The following IL31RA variants were observed in gnomAD, a reference collection of about 807,000 sequenced individuals.
IL31RA encodes interleukin 31 receptor A.
IL31RA carries 66 observed loss-of-function variants against 83.7 expected under a neutral mutation model. The ratio of observed to expected loss-of-function variants is 0.79; its 90% confidence interval spans 0.65 to 0.97. The LOEUF is 0.97. Among genes scored for constraint, IL31RA ranks in the 50% least tolerant of loss-of-function variants. The pLI is 0.00. For missense variants in IL31RA, 798 were observed against 919.4 expected (o/e 0.87, Z 1.71); for synonymous variants, 325 against 329.0 (o/e 0.99, Z 0.13).
At chr5:55,892,949 C>A (rs937168851) in intron 6 of IL31RA, among the ~76,000 whole-genome samples, 1 of 152,218 alleles carries the variant, frequency 6.6e-6, no homozygotes, top group Non-Finnish European at 1.5e-5. Flanking sequence ...ATGCACCCCC[C>A]AGCCAATCCT....
rs1749125177 is a variant in IL31RA, at chr5:55,906,006, G to A, written c.1070-100G>A. The A allele has an allele frequency of 1.6e-5, 19 of 1,191,988 alleles. No homozygotes were observed. In the Admixed American group the frequency reaches 3.2e-4, roughly 20 times the overall value. The allele number at this position is 1,191,988 out of a possible 1,614,324, so 73.8% of individuals were successfully genotyped here. The stretch of plus-strand genomic sequence containing the variant: ...GGCTGCAGTGGAGATCCTGAACTTT[G>A]GCCTTGTTTTACAGCTGAGGCAATG... On this transcript the variant is annotated intron_variant, in intron 8 of 14. Transcript: ENST00000652347.
chr5:55,883,011 C>T, intron 4 of IL31RA, 33 bp from the exon 5 acceptor site: 2 of 1,605,496 alleles, frequency 1.2e-6, no homozygotes, highest in Non-Finnish European at 1.7e-6. Flanking sequence ...TATCTTTTTG[C>T]AGATATGAGA....
At chr5:55,882,823 G>GA (rs1221575115) in intron 4 of IL31RA, among the ~76,000 whole-genome samples, 1 of 152,054 alleles carries the variant, frequency 6.6e-6, no homozygotes, top group Non-Finnish European at 1.5e-5. Context: ...CTGATTTGCT[G>GA]AAAAATCACA....
intron 6 of IL31RA, among the ~76,000 whole-genome samples, chr5:55,894,123 AT>A (rs751218683): frequency 1.3e-3 from 196 of 145,738 alleles, no homozygotes; most frequent in Middle Eastern, 0.011. Context: ...TTGTCTTTAG[AT>A]TTTTTTTTTT....
At chr5:55,843,578 TA>T in the IL31RA span, among the ~76,000 whole-genome samples, 1 of 152,242 alleles carries the variant, frequency 6.6e-6, no homozygotes, top group Non-Finnish European at 1.5e-5. Flanking sequence ...ATATCTTCAC[TA>T]TCATAGTGGA....
At chr5:55,911,005 T>C (rs1460004087) in intron 12 of IL31RA, among the ~76,000 whole-genome samples, 1 of 152,198 alleles carries the variant, frequency 6.6e-6, no homozygotes, top group African/African-American at 2.4e-5. Context: ...TGTCTCCCCG[T>C]TCATAGTCAC....
chr5:55,883,205 G>T lies in IL31RA; in HGVS notation c.606+10G>T, dbSNP rs183184063. On this transcript the variant is annotated intron_variant, in intron 5 of 14. Coordinates refer to ENST00000652347, the MANE Select transcript of IL31RA (RefSeq NM_139017.7). ...CAACAGTACCAGCTGGGTAAGTTAT[G>T]CCATTATAATAATATTCCAATTAGA... 2.0e-4 allele frequency: 316 copies of T among 1,606,320 alleles called. No individual in the cohort carries two copies. In the African/African-American group the frequency reaches 4.1e-3, roughly 21 times the overall value.
At chr5:55,881,567 C>T (rs1747227981) in intron 4 of IL31RA, among the ~76,000 whole-genome samples, 1 of 151,878 alleles carries the variant, frequency 6.6e-6, no homozygotes, top group South Asian at 2.1e-4. Context: ...GGTGAGCATG[C>T]GCAGTGTATT....
intron 4 of IL31RA, among the ~76,000 whole-genome samples, chr5:55,874,674 G>C (rs1229908611): frequency 6.6e-6 from 1 of 152,018 alleles, no homozygotes; most frequent in Non-Finnish European, 1.5e-5. Flanking sequence ...TTTTCAGATT[G>C]TTCATTGTTA....
chr5:55,863,803 T>C (rs1745833340), intron 2 of IL31RA, among the ~76,000 whole-genome samples: 1 of 152,246 alleles, frequency 6.6e-6, no homozygotes, highest in South Asian at 2.1e-4. Flanking sequence ...CATTGACACC[T>C]GGTGACACTT....
intron 3 of IL31RA, among the ~76,000 whole-genome samples, chr5:55,870,259 A>G (rs182685821): frequency 4.6e-5 from 7 of 152,274 alleles, no homozygotes; most frequent in African/African-American, 1.7e-4. Context: ...GCCCCAAAGT[A>G]TTTTTGTTCG....
chr5:55,908,157 C>G, intron 10 of IL31RA, 108 bp from the exon 11 acceptor site: 1 of 1,485,942 alleles, frequency 6.7e-7, no homozygotes, highest in Non-Finnish European at 9.3e-7. Context: ...CCTCACCCGT[C>G]GCCTCCAGCA....
At chr5:55,841,969 A>G in the IL31RA span, among the ~76,000 whole-genome samples, 1 of 151,320 alleles carries the variant, frequency 6.6e-6, no homozygotes, top group Admixed American at 6.6e-5. Context: ...TTTTTAAGAG[A>G]TGGTCTTGCT....
chr5:55,898,428 A>G (rs1232632343), intron 7 of IL31RA, among the ~76,000 whole-genome samples: 13 of 151,690 alleles, frequency 8.6e-5, no homozygotes, highest in African/African-American at 4.8e-5. Flanking sequence ...TGATAGTTGC[A>G]TGACTGAACA....
At chr5:55,848,854 A>C (rs145611415), upstream of IL31RA, among the ~76,000 whole-genome samples, 6 of 152,312 alleles carry the variant, frequency 3.9e-5, no homozygotes, top group South Asian at 1.2e-3. Context: ...TCTTTCTATG[A>C]CTTTCTTATT....
intron 7 of IL31RA, 53 bp from the exon 8 acceptor site, chr5:55,899,863 T>C: frequency 7.6e-7 from 1 of 1,310,164 alleles, no homozygotes; most frequent in Non-Finnish European, 1.1e-6. Flanking sequence ...ACTGTCTCAA[T>C]GCCTTTCTTT....
chr5:55,900,056 G>A lies in IL31RA; in HGVS notation c.993G>A (p.Trp331Ter). 1 of 1,614,074 alleles carries A rather than the reference G, an allele frequency of 6.2e-7. No individual in the cohort carries two copies. The highest frequency in any genetic ancestry group is 8.5e-7 in the Non-Finnish European group (1 of 1,179,988). Residue 331 changes from tryptophan (W) to a stop codon, truncating the protein, a stop_gained, in exon 8 of 15, where the codon TGG becomes TGA. Coordinates refer to ENST00000652347, the MANE Select transcript of IL31RA (RefSeq NM_139017.7). LOFTEE classifies it high-confidence loss of function. ...LELHLGGESFWVSMISYNSLG... is the reference protein window; with the variant it reads ...LELHLGGESF ...TGCATCTGGGAGGCGAGAGCTTTTG[G>A]GTGTCTATGATTTCTTATAATTCTC...
intron 4 of IL31RA, among the ~76,000 whole-genome samples, chr5:55,882,449 A>G (rs1425349149): frequency 6.6e-6 from 1 of 151,910 alleles, no homozygotes; most frequent in Non-Finnish European, 1.5e-5. Flanking sequence ...AAACGGCTGA[A>G]AGGAAATATA....
chr5:55,916,704 C>A lies in IL31RA; in HGVS notation c.1879C>A (p.Pro627Thr), dbSNP rs1300732240. Residue 627 changes from proline (P) to threonine (T), a missense_variant, in exon 15 of 15, where the codon CCA (proline) becomes ACA (threonine). Pro to Thr is a conservative substitution (Grantham distance 38). Coordinates refer to ENST00000652347, the MANE Select transcript of IL31RA (RefSeq NM_139017.7). ...GAACACAGAAGACAGGATCTTAAAACCATGTTCCACCCCCAGTGACAAGTT... is the reference window on the plus strand; with the variant it reads ...GAACACAGAAGACAGGATCTTAAAAACATGTTCCACCCCCAGTGACAAGTT... ...SVNTEDRILK[P>T]CSTPSDKLVI... 5 of 1,614,192 alleles carry A rather than the reference C, an allele frequency of 3.1e-6. No homozygotes were observed. Among genetic ancestry groups the A allele is most frequent in the Non-Finnish European group, 4.2e-6 (5 of 1,180,016 alleles).
Sources: gnomAD v4.1 joint callset for allele counts (sites outside exome capture counted in the v4.1 genomes callset) on GRCh38, gnomAD v4.1.1 for gene constraint, MANE v1.5 for transcripts, NCBI Gene and HGNC (gene_info 2026-07-23, HGNC 2026-07-21) for gene names.